TMEM182: variants seen among roughly 807,000 people sequenced by gnomAD.
The protein encoded by TMEM182 is transmembrane protein 182.
TMEM182 carries 20 observed loss-of-function variants against 26.8 expected under a neutral mutation model. The observed-to-expected ratio is 0.75, with a 90% CI of 0.53 to 1.09. The LOEUF (loss-of-function observed/expected upper bound fraction) is 1.09. Among genes scored for constraint, TMEM182 ranks in the 50% least tolerant of loss-of-function variants. The pLI is 0.00. For synonymous variants in TMEM182, 109 were observed against 102.2 expected, an observed-to-expected ratio of 1.07 and a Z score of -0.40; for missense variants, 277 against 275.5, an observed-to-expected ratio of 1.01 and a Z score of -0.04.
At position 102,815,232 on chromosome 2, in the gene TMEM182, T is replaced by TTAGA; in HGVS notation, c.*265_*268dup. The TTAGA allele has an allele frequency of 1.6e-6, 2 of 1,235,448 alleles. No homozygotes were observed. Among genetic ancestry groups the TTAGA allele is most frequent in the Non-Finnish European group, 2.0e-6 (2 of 984,910 alleles). 76.5% of individuals were successfully genotyped at this position (1,235,448 alleles called of 1,614,324 possible). On this transcript the variant is annotated 3_prime_UTR_variant, in exon 5 of 5. Transcript: ENST00000412401. Reference sequence around the variant, plus strand: ...ACAGGTCTCCCTTTCATTGAACATGTTAGAGTTCATGCAGGTCGCAAAGGC... The same window carrying TTAGA: ...ACAGGTCTCCCTTTCATTGAACATGTTAGATAGAGTTCATGCAGGTCGCAAAGGC...
At chr2:102,786,809 A>G (rs1681414373) in intron 3 of TMEM182, among the ~76,000 whole-genome samples, 1 of 152,126 alleles carries the variant, frequency 6.6e-6, no homozygotes, top group Non-Finnish European at 1.5e-5. Context: ...CCAACCATAA[A>G]GCTTCCACTG....
At chr2:102,837,073 T>TC (rs920953490) in intron 3 of TMEM182, among the ~76,000 whole-genome samples, 6 of 152,210 alleles carry the variant, frequency 3.9e-5, no homozygotes, top group Admixed American at 2.0e-4. Flanking sequence ...GGTACCTCCC[T>TC]CCAACCTTAA....
intron 3 of TMEM182, among the ~76,000 whole-genome samples, chr2:102,787,563 G>A (rs189326354): frequency 6.6e-6 from 1 of 152,330 alleles, no homozygotes; most frequent in African/African-American, 2.4e-5. Context: ...TAAGTAGGAA[G>A]TCTATTTATT....
chr2:102,830,337 T>C (rs1482721521), intron 3 of TMEM182, among the ~76,000 whole-genome samples: 1 of 152,242 alleles, frequency 6.6e-6, no homozygotes, highest in Non-Finnish European at 1.5e-5. Context: ...CAGGCATTGA[T>C]AGCTGTGTGA....
chr2:102,798,523 A>C (rs113213399), intron 4 of TMEM182, among the ~76,000 whole-genome samples: 4 of 152,192 alleles, frequency 2.6e-5, no homozygotes, highest in African/African-American at 9.7e-5. Flanking sequence ...ATTTTTCTAC[A>C]TCACTCCCAT....
Position 102,815,940 on chromosome 2 carries a change from T to A in TMEM182, c.*972T>A. 1.7e-5 allele frequency: 17 copies of A among 982,266 alleles called. No individual in the cohort carries two copies. Among genetic ancestry groups the A allele is most frequent in the Non-Finnish European group, 2.1e-5 (17 of 827,100 alleles). The allele number at this position is 982,266 out of a possible 1,614,324, so 60.8% of individuals were successfully genotyped here. On this transcript the variant is annotated 3_prime_UTR_variant, in exon 5 of 5. Transcript: ENST00000412401. The stretch of plus-strand genomic sequence containing the variant: ...ATTAAAGACCATAAAATATTAACTT[T>A]CCCCAAGATGTTATGGGTTCCAGTT...
At chr2:102,771,166 T>C (rs1251371755) in intron 3 of TMEM182, among the ~76,000 whole-genome samples, 1 of 152,114 alleles carries the variant, frequency 6.6e-6, no homozygotes, top group Non-Finnish European at 1.5e-5. Context: ...CAAAATGTAA[T>C]GGAAAATGCA....
chr2:102,779,359 A>G (rs1002393937), intron 3 of TMEM182, among the ~76,000 whole-genome samples: 6 of 152,214 alleles, frequency 3.9e-5, no homozygotes, highest in African/African-American at 1.4e-4. Flanking sequence ...CTTTAGATTT[A>G]TGTCTTTTGA....
Position 102,815,102 on chromosome 2 carries a change from CT to C in TMEM182, c.*135del, listed in dbSNP as rs1682697422. 4 of 1,445,548 alleles carry C rather than the reference CT, an allele frequency of 2.8e-6. No individual in the cohort carries two copies. The highest frequency in any genetic ancestry group is 3.6e-6 in the Non-Finnish European group (4 of 1,107,978). 89.5% of individuals were successfully genotyped at this position (1,445,548 alleles called of 1,614,324 possible). On this transcript the variant is annotated 3_prime_UTR_variant, in exon 5 of 5. Coordinates refer to ENST00000412401, the MANE Select transcript of TMEM182 (RefSeq NM_144632.5). ...GTTGCTATTCAAATTAATCATTTTA[CT>C]AAAATTTTCTTCAGTAAGAAGGTCC...
intron 3 of TMEM182, among the ~76,000 whole-genome samples, chr2:102,780,328 C>T (rs933700370): frequency 1.3e-5 from 2 of 152,130 alleles, no homozygotes; most frequent in Non-Finnish European, 2.9e-5. Flanking sequence ...TCCAGGCACC[C>T]CCTAAGCCTC....
At chr2:102,765,823 G>C (rs750593164) in intron 3 of TMEM182, among the ~76,000 whole-genome samples, 1 of 152,176 alleles carries the variant, frequency 6.6e-6, no homozygotes, top group Non-Finnish European at 1.5e-5. Flanking sequence ...AACATGTGTG[G>C]TATGGATGCT....
intron 4 of TMEM182, among the ~76,000 whole-genome samples, chr2:102,803,879 C>T (rs1447102065): frequency 6.6e-6 from 1 of 151,450 alleles, no homozygotes; most frequent in Non-Finnish European, 1.5e-5. Context: ...CCGTCCACAC[C>T]TGCAGGCACA....
chr2:102,772,769 A>G (rs1680732623), intron 3 of TMEM182, among the ~76,000 whole-genome samples: 1 of 152,250 alleles, frequency 6.6e-6, no homozygotes, highest in South Asian at 2.1e-4. Flanking sequence ...AAATGAAAAG[A>G]CATCATAATA....
chr2:102,809,303 G>T (rs1212112249), intron 4 of TMEM182, among the ~76,000 whole-genome samples: 1 of 152,194 alleles, frequency 6.6e-6, no homozygotes, highest in African/African-American at 2.4e-5. Context: ...CTCCCTTGAA[G>T]AATTGCTTCG....
At chr2:102,745,863 C>G (rs1388342300) in intron 1 of TMEM182, among the ~76,000 whole-genome samples, 8 of 152,090 alleles carry the variant, frequency 5.3e-5, no homozygotes, top group Admixed American at 4.6e-4. Flanking sequence ...AGTTGATGGG[C>G]ATTGGGATTG....
chr2:102,774,539 A>C (rs1430249170), intron 3 of TMEM182, among the ~76,000 whole-genome samples: 1 of 151,814 alleles, frequency 6.6e-6, no homozygotes, highest in East Asian at 1.9e-4. Flanking sequence ...TGCTGGGATT[A>C]CAGCCATTCC....
chr2:102,774,250 C>CTTTTTTT lies in TMEM182; in HGVS notation c.331+9839_331+9845dup, dbSNP rs774047240. On this transcript the variant is annotated intron_variant, in intron 3 of 4. Coordinates refer to ENST00000412401, the MANE Select transcript of TMEM182 (RefSeq NM_144632.5). ...GATGTTTTTTACACTTTCTTTCTTT[C>CTTTTTTT]TTTTTTTTTTTTTTTTTTTTTTGGT... Among the ~76,000 whole-genome samples, 947 of 95,910 alleles carry CTTTTTTT rather than the reference C, an allele frequency of 9.9e-3. 8 individuals carry two copies. Among genetic ancestry groups the CTTTTTTT allele is most frequent in the Middle Eastern group, 0.02 (2 of 98 alleles). The allele number at this position is 95,910 out of a possible 152,430, so 62.9% of individuals were successfully genotyped here. A position where few individuals can be genotyped will look rare whatever the true frequency, so the allele number is the denominator to read the frequency against.
At chr2:102,810,801 A>C (rs1682529782) in intron 4 of TMEM182, among the ~76,000 whole-genome samples, 1 of 152,180 alleles carries the variant, frequency 6.6e-6, no homozygotes, top group African/African-American at 2.4e-5. Flanking sequence ...GACCAAATTT[A>C]AATGTAATTT....
chr2:102,838,760 G>C (rs1683295726), intron 3 of TMEM182, among the ~76,000 whole-genome samples: 1 of 152,148 alleles, frequency 6.6e-6, no homozygotes, highest in African/African-American at 2.4e-5. Context: ...GTGGTGAAAT[G>C]AATGTAGAAG....
Sources: gnomAD v4.1 joint callset for allele counts (sites outside exome capture counted in the v4.1 genomes callset) on GRCh38, gnomAD v4.1.1 for gene constraint, MANE v1.5 for transcripts, NCBI Gene and HGNC (gene_info 2026-07-23, HGNC 2026-07-21) for gene names.